The following GRIA2 variants were observed in gnomAD, a reference collection of about 807,000 sequenced individuals.
GRIA2 encodes glutamate ionotropic receptor AMPA type subunit 2, also known as glutamate receptor 2.
In GRIA2, 14 loss-of-function variants were observed where a neutral mutation model predicts 97.3. The ratio of observed to expected loss-of-function variants is 0.14; its 90% CI spans 0.10 to 0.23. GRIA2 has a LOEUF of 0.23. Among genes scored for constraint, GRIA2 ranks in the 10% least tolerant of loss-of-function variants. The pLI is 1.00. For missense variants in GRIA2, 558 were observed against 1,069.8 expected (o/e 0.52, Z 6.67); for synonymous variants, 412 against 387.8 (o/e 1.06, Z -0.73).
intron 9 of GRIA2, chr4:157,335,137 G>T (rs535739870): frequency 6.2e-6 from 1 of 160,172 alleles, no homozygotes; most frequent in Admixed American, 5.8e-5. Flanking sequence ...CAGATGAAGT[G>T]AGACCTGAAG....
intron 3 of GRIA2, among the ~76,000 whole-genome samples, chr4:157,312,188 T>A (rs752954646): frequency 6.6e-6 from 1 of 152,040 alleles, no homozygotes; most frequent in African/African-American, 2.4e-5. Context: ...AGCAGCCTCA[T>A]AAAGAATATT....
intron 5 of GRIA2, among the ~76,000 whole-genome samples, chr4:157,321,221 C>T (rs1052347031): frequency 2.0e-5 from 3 of 152,202 alleles, no homozygotes; most frequent in South Asian, 2.1e-4. Context: ...CATCAGTAAA[C>T]GTGTATTGAT....
chr4:157,270,812 G>T (rs773007102), intron 2 of GRIA2, among the ~76,000 whole-genome samples: 24 of 152,020 alleles, frequency 1.6e-4, no homozygotes, highest in Non-Finnish European at 3.1e-4. Context: ...TCTTGGAGAG[G>T]GAGGAGGAGG....
intron 2 of GRIA2, among the ~76,000 whole-genome samples, chr4:157,277,838 A>ATATG (rs1342481352): frequency 1.4e-5 from 2 of 142,414 alleles, no homozygotes; most frequent in African/African-American, 5.1e-5. Context: ...ATATATGTAT[A>ATATG]TATATATGTA....
chr4:157,336,172 A>G (rs1735276435), intron 10 of GRIA2, among the ~76,000 whole-genome samples: 1 of 152,088 alleles, frequency 6.6e-6, no homozygotes, highest in South Asian at 2.1e-4. Flanking sequence ...TAGTCAAGCC[A>G]GCTGGGTATA....
At chr4:157,281,695 C>T (rs1301269496) in intron 2 of GRIA2, among the ~76,000 whole-genome samples, 1 of 151,666 alleles carries the variant, frequency 6.6e-6, no homozygotes, top group Non-Finnish European at 1.5e-5. Flanking sequence ...TAGGCAAAGC[C>T]TCACATCTTC....
chr4:157,315,696 C>T lies in GRIA2; in HGVS notation c.667-1962C>T, dbSNP rs182810958. ...TAGCTGGGATTACAGGCACACACCA[C>T]GCCCAGCTAATTTTTGTAATTTTTA... On this transcript the variant is annotated intron_variant, in intron 4 of 15. Transcript: ENST00000264426. Among the ~76,000 whole-genome samples the T allele has an allele frequency of 2.8e-4, 43 of 152,138 alleles. No individual in the cohort carries two copies. In the East Asian group the frequency reaches 7.5e-3, roughly 27 times the overall value.
intron 2 of GRIA2, among the ~76,000 whole-genome samples, chr4:157,291,560 A>T (rs971467041): frequency 1.3e-5 from 2 of 152,104 alleles, no homozygotes; most frequent in African/African-American, 4.8e-5. Flanking sequence ...GAGCTGCATA[A>T]AAGAGTTTAA....
At chr4:157,311,060 A>G (rs957372046) in intron 3 of GRIA2, among the ~76,000 whole-genome samples, 1 of 152,072 alleles carries the variant, frequency 6.6e-6, no homozygotes, top group African/African-American at 2.4e-5. Flanking sequence ...CGTAGGTGTT[A>G]CAAGATGGTG....
chr4:157,335,675 C>A lies in GRIA2; in HGVS notation c.1271C>A (p.Ser424Tyr). The A allele has an allele frequency of 6.3e-7, 1 of 1,588,050 alleles. No homozygotes were observed. Among genetic ancestry groups the A allele is most frequent in the Non-Finnish European group, 8.6e-7 (1 of 1,156,690 alleles). ...AAGCAAAGTCTTTTCATATAGGAAT[C>A]TCCGTATGTTATGATGAAGAAAAAT... ...KTVVVTTILESPYVMMKKNHE... is the reference protein window; with the variant it reads ...KTVVVTTILEYPYVMMKKNHE... The change falls in exon 10 of 16, where the codon TCT (serine) becomes TAT (tyrosine). Residue 424 changes from serine to tyrosine, a missense_variant. Around this residue, in one of 8 missense-constraint regions of GRIA2, gnomAD observed 66 missense variants for 118.7 expected, o/e 0.56. Transcript: ENST00000264426.
At chr4:157,318,201 T>C (rs1734409964) in intron 5 of GRIA2, among the ~76,000 whole-genome samples, 1 of 152,170 alleles carries the variant, frequency 6.6e-6, no homozygotes, top group Admixed American at 6.6e-5. Flanking sequence ...AGTTTAATTG[T>C]CCACATATTC....
rs189475391 is a variant in GRIA2 at position 157,228,834 on chromosome 4, C to A, written c.229+7027C>A. Among the ~76,000 whole-genome samples, 711 of 147,754 alleles carry A rather than the reference C, an allele frequency of 4.8e-3. 6 individuals carry two copies. The highest frequency in any genetic ancestry group is 0.017 in the African/African-American group (669 of 39,716). ...AAGAAGGAAAAAAGAATGACCCCCCCACCTCCCCCCACCAAAAAAAAACCC... is the reference window on the plus strand; with the variant it reads ...AAGAAGGAAAAAAGAATGACCCCCCAACCTCCCCCCACCAAAAAAAAACCC... On this transcript the variant is annotated intron_variant, in intron 2 of 15. Coordinates refer to ENST00000264426, the MANE Select transcript of GRIA2 (RefSeq NM_001083619.3).
chr4:157,356,833 G>T (rs1736403364), intron 12 of GRIA2, among the ~76,000 whole-genome samples: 1 of 152,092 alleles, frequency 6.6e-6, no homozygotes, highest in Admixed American at 6.6e-5. Context: ...GCTCCCCAGT[G>T]CATCAGGTAG....
chr4:157,269,949 TA>T (rs1316592347), intron 2 of GRIA2, among the ~76,000 whole-genome samples: 1 of 152,082 alleles, frequency 6.6e-6, no homozygotes, highest in Non-Finnish European at 1.5e-5. Context: ...AGTCTTTTTA[TA>T]AATAAACTCG....
chr4:157,268,998 A>G (rs552916185), intron 2 of GRIA2, among the ~76,000 whole-genome samples: 1 of 152,254 alleles, frequency 6.6e-6, no homozygotes, highest in East Asian at 1.9e-4. Context: ...ATAAACACAC[A>G]TGCATACATA....
At position 157,334,098 on chromosome 4, in the gene GRIA2, C is replaced by G; in HGVS notation, c.1244C>G (p.Thr415Ser). The G allele has an allele frequency of 6.3e-7, 1 of 1,596,812 alleles. No individual in the cohort carries two copies. ...GACACCTCTGGGCTTGAGAATAAGA[C>G]TGTTGTTGTCACCACAATTTTGGTA... ...GNDTSGLENK[T>S]VVVTTILESP... is the part of the protein sequence containing the mutation. Residue 415 changes from threonine to serine, a missense_variant, in exon 9 of 16, where the codon ACT becomes AGT. Thr to Ser is a moderately conservative substitution (Grantham distance 58). Transcript: ENST00000264426.
chr4:157,322,567 T>C (rs1734625606), intron 6 of GRIA2, among the ~76,000 whole-genome samples: 1 of 152,202 alleles, frequency 6.6e-6, no homozygotes, highest in Non-Finnish European at 1.5e-5. Flanking sequence ...TCAATATTTC[T>C]GCTGTTGACA....
Position 157,256,710 on chromosome 4 carries a change from CTTAA to C in GRIA2, c.229+34909_229+34912del, listed in dbSNP as rs543569577. ...TCCACATTCTCCCTATAGTATGATA[CTTAA>C]TTAATCTGTAACTGAAACTAGGGAA... On this transcript the variant is annotated intron_variant, in intron 2 of 15. Coordinates refer to ENST00000264426, the MANE Select transcript of GRIA2 (RefSeq NM_001083619.3). Among the ~76,000 whole-genome samples the C allele has an allele frequency of 4.6e-5, 7 of 151,844 alleles. No individual in the cohort carries two copies. The South Asian group carries it at 1.2e-3, about 27-fold the overall frequency.
chr4:157,237,617 TACAA>T (rs1317577566), intron 2 of GRIA2, among the ~76,000 whole-genome samples: 2 of 152,086 alleles, frequency 1.3e-5, no homozygotes, highest in African/African-American at 2.4e-5. Flanking sequence ...CTCAAGGAGT[TACAA>T]ACAAATAGGG....
Sources: gnomAD v4.1 joint callset for allele counts (sites outside exome capture counted in the v4.1 genomes callset) on GRCh38, gnomAD v4.1.1 for gene constraint, gnomAD v4.1.1 regional missense constraint, MANE v1.5 for transcripts, NCBI Gene and HGNC (gene_info 2026-07-23, HGNC 2026-07-21) for gene names.